CLEC16A: variants seen among roughly 807,000 people sequenced by gnomAD.
CLEC16A encodes C-type lectin domain containing 16A.
Under a neutral mutation model 109.5 loss-of-function variants are expected in CLEC16A, and 51 were observed. That is an observed-to-expected ratio of 0.47 (90% CI 0.37 to 0.59). CLEC16A has a LOEUF of 0.59. Ranked by LOEUF, CLEC16A falls within the 20% of genes least tolerant of loss-of-function variation. CLEC16A has a pLI of 0.00. For synonymous variants in CLEC16A, 673 were observed against 564.2 expected (o/e 1.19, Z -2.73); for missense variants, 1,339 against 1,394.0 (o/e 0.96, Z 0.63).
intron 12 of CLEC16A, among the ~76,000 whole-genome samples, 184 bp downstream of exon 12, chr16:11,020,509 A>G (rs981400818): frequency 3.3e-5 from 5 of 152,084 alleles, no homozygotes; most frequent in African/African-American, 9.7e-5. Context: ...ATCACTCAAC[A>G]CTGTAATGCT....
rs1292336690 is a variant in CLEC16A, at chr16:10,979,366, T to C, written c.941T>C (p.Leu314Pro). 2 of 1,613,146 alleles carry C rather than the reference T, an allele frequency of 1.2e-6. No individual in the cohort carries two copies. The highest frequency in any genetic ancestry group is 3.3e-4 in the Middle Eastern group (2 of 6,060). ...ERPKISLPVSLYLLSQVFLII... is the reference protein window; with the variant it reads ...ERPKISLPVSPYLLSQVFLII... ...CCGAAAATTAGCCTGCCGGTGTCTC[T>C]TTATCTTCTGTCACAGGTATGCTTG... The change falls in exon 9 of 24, where the codon CTT becomes CCT. Residue 314 changes from leucine to proline, a missense_variant. By Grantham distance (98) the Leu-to-Pro change is moderately conservative. This residue lies in a region of CLEC16A where 1,061 missense variants were observed against 1,006.8 expected (regional missense o/e 1.05). Transcript: ENST00000409790.
At chr16:11,007,868 C>T (rs1044604218) in intron 11 of CLEC16A, among the ~76,000 whole-genome samples, 15 of 151,992 alleles carry the variant, frequency 9.9e-5, no homozygotes, top group African/African-American at 3.6e-4. Context: ...CAGGCCCAGG[C>T]GCTGCAGTAG....
rs977159736 is a variant in CLEC16A, at chr16:10,996,656, G to A, written c.1072-6418G>A. ...CTTCCTCTGCGGCCCCATCACTCTT[G>A]TGTGAACCTCTTCTCTTCCAGCGTC... On this transcript the variant is annotated intron_variant, in intron 10 of 23. Transcript: ENST00000409790. Among the ~76,000 whole-genome samples, 8 of 152,110 alleles carry A rather than the reference G, an allele frequency of 5.3e-5. No homozygotes were observed. In the East Asian group the frequency reaches 1.5e-3, roughly 29 times the overall value.
intron 7 of CLEC16A, among the ~76,000 whole-genome samples, chr16:10,975,397 A>G (rs1468936201): frequency 6.6e-6 from 1 of 152,202 alleles, no homozygotes; most frequent in Non-Finnish European, 1.5e-5. Flanking sequence ...TTATCAGCTT[A>G]TCAATGCTAT....
intron 19 of CLEC16A, among the ~76,000 whole-genome samples, chr16:11,118,301 TC>T (rs2052153794): frequency 6.6e-6 from 1 of 152,164 alleles, no homozygotes; most frequent in Non-Finnish European, 1.5e-5. Flanking sequence ...TGCAGAGGAC[TC>T]CTATGCACAA....
At chr16:11,009,341 G>A (rs1457119964) in intron 11 of CLEC16A, among the ~76,000 whole-genome samples, 2 of 152,122 alleles carry the variant, frequency 1.3e-5, no homozygotes, top group Non-Finnish European at 2.9e-5. Context: ...CCACTCCTCT[G>A]TTGATGGACA....
chr16:11,175,779 G>C (rs548783536), intron 23 of CLEC16A, among the ~76,000 whole-genome samples: 1 of 152,200 alleles, frequency 6.6e-6, no homozygotes, highest in Non-Finnish European at 1.5e-5. Flanking sequence ...TGCTCTTTTT[G>C]ATATATTTGC....
intron 3 of CLEC16A, among the ~76,000 whole-genome samples, chr16:10,967,323 T>C (rs2146255841): frequency 6.6e-6 from 1 of 152,300 alleles, no homozygotes; most frequent in South Asian, 2.1e-4. Context: ...CCTCGACGGC[T>C]CCAAATAACT....
chr16:11,057,960 G>T (rs965992320), intron 18 of CLEC16A, among the ~76,000 whole-genome samples: 22 of 152,356 alleles, frequency 1.4e-4, no homozygotes, highest in African/African-American at 5.1e-4. Flanking sequence ...ATAGTATGCG[G>T]CAGGCCATGG....
chr16:11,010,763 C>T (rs924157523), intron 11 of CLEC16A, among the ~76,000 whole-genome samples: 8 of 152,204 alleles, frequency 5.3e-5, no homozygotes, highest in African/African-American at 1.4e-4. Context: ...AATCCAGAGG[C>T]GGGTGGTGCC....
rs111467046 is a variant in CLEC16A at position 11,092,904 on chromosome 16, C to T, written c.2117-27711C>T. On this transcript the variant is annotated intron_variant, in intron 19 of 23. Coordinates refer to ENST00000409790, the MANE Select transcript of CLEC16A (RefSeq NM_015226.3). ...AGAATCCCCAATGCATGGTGACTGT[C>T]GTTATCCTCATCATCATGACTGTCC... 2.3e-3 allele frequency among the ~76,000 whole-genome samples: 351 copies of T among 152,324 alleles called. 1 individual carries two copies. Among genetic ancestry groups the T allele is most frequent in the African/African-American group, 7.7e-3 (321 of 41,572 alleles).
chr16:10,944,879 G>T, intron 1 of CLEC16A, 82 bp downstream of exon 1: 2 of 1,360,656 alleles, frequency 1.5e-6, no homozygotes, highest in Non-Finnish European at 2.0e-6. Flanking sequence ...GCTCTAGGAG[G>T]CGTGAGAGCG....
intron 10 of CLEC16A, among the ~76,000 whole-genome samples, chr16:10,993,346 T>C (rs2044145508): frequency 6.6e-6 from 1 of 152,092 alleles, no homozygotes; most frequent in East Asian, 1.9e-4. Flanking sequence ...ACCACTGCAC[T>C]CCAGCCTGGG....
chr16:10,972,493 G>C, intron 5 of CLEC16A, 61 bp from the exon 6 acceptor site: 1 of 1,554,562 alleles, frequency 6.4e-7, no homozygotes, highest in South Asian at 1.1e-5. Flanking sequence ...TCCTAACCCT[G>C]TTAACTGTTG....
At chr16:11,046,757 G>C (rs1379773427) in intron 16 of CLEC16A, among the ~76,000 whole-genome samples, 4 of 152,176 alleles carry the variant, frequency 2.6e-5, no homozygotes, top group African/African-American at 9.7e-5. Flanking sequence ...GTGCTGTTCT[G>C]AAGGGGCCCT....
Position 10,952,447 on chromosome 16 carries a change from T to G in CLEC16A, c.81-5335T>G, listed in dbSNP as rs547167575. Among the ~76,000 whole-genome samples the G allele has an allele frequency of 2.4e-4, 37 of 152,326 alleles. No individual in the cohort carries two copies. In the Middle Eastern group the frequency reaches 0.01, roughly 42 times the overall value. ...AGGCGGAGGCCGCAGTGAGCCAAGATCACGCCACTGCACTCCAGCCTGATG... is the reference window on the plus strand; with the variant it reads ...AGGCGGAGGCCGCAGTGAGCCAAGAGCACGCCACTGCACTCCAGCCTGATG... On this transcript the variant is annotated intron_variant, in intron 1 of 23. Transcript: ENST00000409790.
At chr16:11,046,905 T>C (rs1345546157) in intron 16 of CLEC16A, among the ~76,000 whole-genome samples, 1 of 152,242 alleles carries the variant, frequency 6.6e-6, no homozygotes, top group Non-Finnish European at 1.5e-5. Context: ...CTTGTATCTT[T>C]AATGTGGTAA....
At chr16:11,017,212 G>A (rs112860812) in intron 11 of CLEC16A, among the ~76,000 whole-genome samples, 229 of 152,274 alleles carry the variant, frequency 1.5e-3, no homozygotes, top group African/African-American at 5.3e-3. Context: ...AAAACATCTC[G>A]TGTTGGGCTA....
chr16:11,042,146 A>G, intron 14 of CLEC16A, 108 bp from the exon 15 acceptor site: 1 of 719,850 alleles, frequency 1.4e-6, no homozygotes, highest in Non-Finnish European at 2.4e-6. Flanking sequence ...AGCCATGAGC[A>G]GTTGGTCTAT....
Sources: gnomAD v4.1 joint callset for allele counts (sites outside exome capture counted in the v4.1 genomes callset) on GRCh38, gnomAD v4.1.1 for gene constraint, gnomAD v4.1.1 regional missense constraint, MANE v1.5 for transcripts, NCBI Gene and HGNC (gene_info 2026-07-23, HGNC 2026-07-21) for gene names.